The following FAAH2 variants were observed in gnomAD, a reference collection of about 807,000 sequenced individuals.
FAAH2 encodes fatty-acid amide hydrolase 2.
FAAH2 carries 60 observed loss-of-function variants against 36.9 expected under a neutral mutation model. The ratio of observed to expected loss-of-function variants is 1.63; its 90% confidence interval spans 1.32 to 2.02. FAAH2 has a LOEUF of 2.02. Ranked by LOEUF, FAAH2 falls within the 30% of genes most tolerant of loss-of-function variation. The probability of loss-of-function intolerance (pLI) is 0.00; values close to 1 mark genes in which losing one functional copy is unlikely to be tolerated. For synonymous variants in FAAH2, 214 were observed against 143.8 expected, an observed-to-expected ratio of 1.49 and a Z score of -3.49; for missense variants, 689 against 397.5, an observed-to-expected ratio of 1.73 and a Z score of -6.23.
chrX:57,376,618 T>C (rs903321436), intron 5 of FAAH2, among the ~76,000 whole-genome samples: 1 of 112,011 alleles, frequency 8.9e-6, no homozygotes, highest in South Asian at 3.7e-4. Flanking sequence ...TTAACATACA[T>C]GTGCATGTGT....
Position 57,286,917 on chromosome X carries a change from T to C in FAAH2, c.92T>C (p.Leu31Ser), listed in dbSNP as rs761711240. 8.3e-7 allele frequency: 1 copy of C among 1,206,884 alleles called. No homozygotes were observed. The highest frequency in any genetic ancestry group is 3.0e-5 in the East Asian group (1 of 33,681). Reference sequence around the variant, plus strand: ...TTAGTAGGCCGAGCAGCTTTAGTCTTAGGGGGTCCAAAGTTTGCCTCAAAG... The same window carrying C: ...TTAGTAGGCCGAGCAGCTTTAGTCTCAGGGGGTCCAAAGTTTGCCTCAAAG... ...IGLVGRAALV[L>S]GGPKFASKTP... is the part of the protein sequence containing the mutation. Residue 31 changes from leucine (L) to serine (S), a missense_variant, in exon 1 of 11, where the codon TTA (leucine) becomes TCA (serine). Leu to Ser is a moderately radical substitution (Grantham distance 145, BLOSUM62 -2). Transcript: ENST00000374900.
At chrX:57,282,752 G>T (rs2051765710), upstream of FAAH2, among the ~76,000 whole-genome samples, 1 of 111,783 alleles carries the variant, frequency 8.9e-6, no homozygotes, top group Non-Finnish European at 1.9e-5. Flanking sequence ...ATGGTTAATA[G>T]GTACGCTCTT....
intron 5 of FAAH2, among the ~76,000 whole-genome samples, chrX:57,358,005 A>G (rs1398100979): frequency 9.0e-6 from 1 of 111,449 alleles, no homozygotes; most frequent in Non-Finnish European, 1.9e-5. Context: ...CTATGCAGCC[A>G]TAAAAAAAGG....
intron 7 of FAAH2, among the ~76,000 whole-genome samples, chrX:57,409,307 G>T (rs755936591): frequency 1.8e-5 from 2 of 110,851 alleles, no homozygotes; most frequent in African/African-American, 3.3e-5. Context: ...AGGTTTTCTG[G>T]TATTATGTTG....
At chrX:57,174,586 CT>C in the FAAH2 span, among the ~76,000 whole-genome samples, 1 of 111,028 alleles carries the variant, frequency 9.0e-6, no homozygotes, top group Non-Finnish European at 1.9e-5. Flanking sequence ...TCATTTAGTT[CT>C]TTTCTGATCT....
the FAAH2 span, among the ~76,000 whole-genome samples, chrX:57,273,840 A>C: frequency 8.9e-6 from 1 of 111,853 alleles, no homozygotes; most frequent in Non-Finnish European, 1.9e-5. Context: ...CTAACATCAA[A>C]ATTAAAAGAA....
At chrX:57,386,168 T>C (rs1038755876) in intron 7 of FAAH2, among the ~76,000 whole-genome samples, 1 of 111,361 alleles carries the variant, frequency 9.0e-6, no homozygotes, top group Non-Finnish European at 1.9e-5. Flanking sequence ...TCTGAATTAA[T>C]AATATCTAAA....
In FAAH2 at chrX:57,292,591, C is replaced by A. The variant is rs373301234; in HGVS notation, c.275+11C>A. ...AATTGTCAAGTACAGGTGAGCATTT[C>A]CACTCTCTCAAGGAGTCATTTATGG... On this transcript the variant is annotated intron_variant, in intron 2 of 10. Transcript: ENST00000374900. 1 of 1,193,600 alleles carries A rather than the reference C, an allele frequency of 8.4e-7. No individual in the cohort carries two copies. Among genetic ancestry groups the A allele is most frequent in the Non-Finnish European group, 1.1e-6 (1 of 882,530 alleles).
At chrX:57,355,964 C>A (rs1381972035) in intron 5 of FAAH2, among the ~76,000 whole-genome samples, 1 of 110,668 alleles carries the variant, frequency 9.0e-6, no homozygotes, top group Non-Finnish European at 1.9e-5. Context: ...ATTGTCTATT[C>A]TTTATTTGTT....
chrX:57,137,496 T>C, the FAAH2 span: 9 of 204,603 alleles, frequency 4.4e-5, no homozygotes, highest in Non-Finnish European at 6.5e-5. Flanking sequence ...CAGTCCCTGA[T>C]GCAGTGGCTG....
At chrX:57,407,056 G>A (rs2055584226) in intron 7 of FAAH2, among the ~76,000 whole-genome samples, 1 of 111,890 alleles carries the variant, frequency 8.9e-6, no homozygotes, top group East Asian at 2.8e-4. Context: ...TGTTTCCTTT[G>A]TCCCAAGTGG....
the FAAH2 span, among the ~76,000 whole-genome samples, chrX:57,208,673 A>G: frequency 2.7e-5 from 3 of 111,870 alleles, no homozygotes; most frequent in Non-Finnish European, 5.6e-5. Flanking sequence ...AGAGCCCTGA[A>G]CAGAGACTTA....
At chrX:57,178,060 A>G in the FAAH2 span, among the ~76,000 whole-genome samples, 1 of 111,622 alleles carries the variant, frequency 9.0e-6, no homozygotes, top group Non-Finnish European at 1.9e-5. Context: ...CTGATGCCAT[A>G]GAGTGTTTAC....
chrX:57,430,778 G>T (rs1303918447), intron 7 of FAAH2, among the ~76,000 whole-genome samples: 1 of 111,353 alleles, frequency 9.0e-6, no homozygotes, highest in African/African-American at 3.3e-5. Context: ...TTAGTTTAAT[G>T]GTATCAATCC....
In FAAH2 at chrX:57,331,867, G is replaced by A. The variant is rs760973692; in HGVS notation, c.622+60G>A. ...ATGCTAACAATAATAATTATGAATT[G>A]TATTAATAAACATGATACAGTATAG... is the stretch of plus-strand genomic sequence containing the variant. On this transcript the variant is annotated intron_variant, in intron 4 of 10. Coordinates refer to ENST00000374900, the MANE Select transcript of FAAH2 (RefSeq NM_174912.4). 5.1e-5 allele frequency: 54 copies of A among 1,063,803 alleles called. No homozygotes were observed. The South Asian group carries it at 8.5e-4, about 17-fold the overall frequency. 87.7% of individuals were successfully genotyped at this position (1,063,803 alleles called of 1,213,427 possible).
intron 7 of FAAH2, among the ~76,000 whole-genome samples, chrX:57,412,896 A>T (rs544807672): frequency 9.8e-4 from 110 of 112,006 alleles, no homozygotes; most frequent in African/African-American, 3.6e-3. Context: ...TTGTTTCCTG[A>T]CTTGTTAATG....
the FAAH2 span, among the ~76,000 whole-genome samples, chrX:57,131,443 C>T: frequency 8.9e-6 from 1 of 111,927 alleles, no homozygotes; most frequent in Non-Finnish European, 1.9e-5. Flanking sequence ...ACAGGATAAG[C>T]TTTATGGCCG....
chrX:57,163,722 G>A, the FAAH2 span, among the ~76,000 whole-genome samples: 2 of 111,911 alleles, frequency 1.8e-5, no homozygotes, highest in Non-Finnish European at 1.9e-5. Flanking sequence ...GCTTCGGCTC[G>A]CACACGATGC....
the FAAH2 span, among the ~76,000 whole-genome samples, chrX:57,245,524 A>C: frequency 8.9e-6 from 1 of 112,340 alleles, no homozygotes; most frequent in Admixed American, 9.5e-5. Context: ...ATCATATCAA[A>C]CAGTCTCTCA....
Sources: allele counts gnomAD v4.1 joint callset (sites outside exome capture counted in the v4.1 genomes callset), GRCh38; gene constraint gnomAD v4.1.1; transcripts MANE v1.5; gene names NCBI Gene and HGNC (gene_info 2026-07-23, HGNC 2026-07-21).